Variants in SGMS1 observed in about 807,000 individuals in gnomAD.
The protein encoded by SGMS1 is sphingomyelin synthase 1.
SGMS1 carries 13 observed loss-of-function variants against 46.2 expected under a neutral mutation model. The ratio of observed to expected loss-of-function variants is 0.28; its 90% CI spans 0.18 to 0.45. SGMS1 has a LOEUF of 0.45. Ranked by LOEUF, SGMS1 falls within the 20% of genes least tolerant of loss-of-function variation. The pLI is 1.00. For synonymous variants in SGMS1, 203 were observed against 187.8 expected, an observed-to-expected ratio of 1.08 and a Z score of -0.66; for missense variants, 324 against 519.9, an observed-to-expected ratio of 0.62 and a Z score of 3.66.
chr10:50,561,406 A>C (rs1272071433), intron 2 of SGMS1, among the ~76,000 whole-genome samples: 3 of 152,192 alleles, frequency 2.0e-5, no homozygotes, highest in Middle Eastern at 6.3e-3. Context: ...TCCAGAGCTC[A>C]GTCTCTTAAT....
chr10:50,493,007 T>C (rs1475074137), intron 3 of SGMS1, among the ~76,000 whole-genome samples: 3 of 152,192 alleles, frequency 2.0e-5, no homozygotes, highest in African/African-American at 7.2e-5. Context: ...CCTTGATTTC[T>C]TTGTCATGAG....
chr10:50,407,526 C>A (rs1363668295), intron 6 of SGMS1, among the ~76,000 whole-genome samples: 1 of 152,128 alleles, frequency 6.6e-6, no homozygotes, highest in Non-Finnish European at 1.5e-5. Context: ...CCACCCTGAC[C>A]TCCAAACGGC....
intron 6 of SGMS1, among the ~76,000 whole-genome samples, chr10:50,389,109 T>C (rs1239792329): frequency 6.6e-6 from 1 of 152,108 alleles, no homozygotes. Flanking sequence ...ACCTTAAATA[T>C]ATACAATGAA....
chr10:50,514,439 A>G (rs1837784610), intron 3 of SGMS1, among the ~76,000 whole-genome samples: 1 of 152,138 alleles, frequency 6.6e-6, no homozygotes, highest in African/African-American at 2.4e-5. Context: ...CTATGCTCTA[A>G]CCCAGCAGTG....
intron 1 of SGMS1, among the ~76,000 whole-genome samples, chr10:50,601,270 T>C (rs1198111804): frequency 2.0e-5 from 3 of 152,132 alleles, no homozygotes; most frequent in Non-Finnish European, 4.4e-5. Context: ...ACTAAGAGGA[T>C]GTTGGACTTT....
At chr10:50,620,882 A>G (rs76786359) in intron 1 of SGMS1, among the ~76,000 whole-genome samples, 1,936 of 152,316 alleles carry the variant, frequency 0.013, 14 homozygotes, top group Non-Finnish European at 0.021. Context: ...CTTTTTAGTT[A>G]AAAATAATAA....
At chr10:50,482,739 C>T (rs369268881) in intron 3 of SGMS1, among the ~76,000 whole-genome samples, 7 of 152,088 alleles carry the variant, frequency 4.6e-5, no homozygotes, top group African/African-American at 1.5e-4. Context: ...GGACTAAATG[C>T]CCCAATTAAA....
intron 4 of SGMS1, among the ~76,000 whole-genome samples, chr10:50,462,691 T>A (rs910207187): frequency 1.3e-5 from 2 of 152,214 alleles, no homozygotes; most frequent in African/African-American, 2.4e-5. Context: ...GGCCTATTTA[T>A]CTCTGCTTCC....
chr10:50,535,880 G>A (rs920697698), intron 2 of SGMS1, among the ~76,000 whole-genome samples: 11 of 152,314 alleles, frequency 7.2e-5, no homozygotes, highest in African/African-American at 2.4e-4. Flanking sequence ...TTACGTCTCA[G>A]TGGGAATTTC....
At chr10:50,378,986 AG>A (rs778383924) in intron 6 of SGMS1, among the ~76,000 whole-genome samples, 3 of 152,176 alleles carry the variant, frequency 2.0e-5, no homozygotes, top group Non-Finnish European at 4.4e-5. Flanking sequence ...AAAGGAGCAC[AG>A]GCTAAGGCAG....
At chr10:50,621,501 T>C (rs1056307150) in intron 1 of SGMS1, among the ~76,000 whole-genome samples, 1 of 152,170 alleles carries the variant, frequency 6.6e-6, no homozygotes, top group Non-Finnish European at 1.5e-5. Flanking sequence ...ACATGGTAAA[T>C]ACTGGTAAAC....
intron 2 of SGMS1, among the ~76,000 whole-genome samples, chr10:50,578,079 G>C (rs1838400844): frequency 1.3e-5 from 2 of 152,190 alleles, no homozygotes; most frequent in Admixed American, 1.3e-4. Flanking sequence ...ATAATCCAAG[G>C]TCAGTTAGCC....
intron 6 of SGMS1, among the ~76,000 whole-genome samples, chr10:50,355,814 G>T (rs1296969177): frequency 6.6e-6 from 1 of 151,534 alleles, no homozygotes; most frequent in Admixed American, 6.6e-5. Context: ...CCGTCATCCC[G>T]TCTAGGATGT....
Position 50,311,271 on chromosome 10 carries a change from T to C in SGMS1, c.886A>G (p.Ile296Val), listed in dbSNP as rs200487549. 2.7e-5 allele frequency: 44 copies of C among 1,613,102 alleles called. No homozygotes were observed. The highest frequency in any genetic ancestry group is 3.6e-5 in the Non-Finnish European group (43 of 1,179,526). Residue 296 changes from isoleucine to valine, a missense_variant, in exon 9 of 11, where the codon ATC becomes GTC. Physicochemically the swap from Ile to Val is conservative, Grantham distance 29. This residue lies in a region of SGMS1 where 174 missense variants were observed against 350.1 expected (regional missense o/e 0.50). Coordinates refer to ENST00000361781, the MANE Select transcript of SGMS1 (RefSeq NM_147156.4). The stretch of plus-strand genomic sequence containing the variant: ...AGTCTTTTAGACTTACACTCTTTGA[T>C]AAATAAGTAGGTAAGTGTTAGCATG... ...TVMLTLTYLF[I>V]KEYSPRRLWW...
intron 6 of SGMS1, among the ~76,000 whole-genome samples, chr10:50,374,710 T>C (rs905524345): frequency 2.6e-5 from 4 of 152,058 alleles, no homozygotes; most frequent in Non-Finnish European, 4.4e-5. Flanking sequence ...TCCTCACTCA[T>C]CCAGCCTCTC....
intron 3 of SGMS1, among the ~76,000 whole-genome samples, chr10:50,502,007 G>A (rs1437947940): frequency 6.6e-6 from 1 of 152,022 alleles, no homozygotes; most frequent in Non-Finnish European, 1.5e-5. Context: ...TTGAGCAGAG[G>A]GCCTCCCTTG....
chr10:50,574,800 C>G (rs894378774), intron 2 of SGMS1, among the ~76,000 whole-genome samples: 2 of 151,910 alleles, frequency 1.3e-5, no homozygotes, highest in South Asian at 4.2e-4. Flanking sequence ...TTGAATGTTT[C>G]CAACACAAAG....
intron 2 of SGMS1, among the ~76,000 whole-genome samples, chr10:50,538,407 A>C (rs1477598152): frequency 1.3e-5 from 2 of 149,798 alleles, no homozygotes; most frequent in Non-Finnish European, 3.0e-5. Context: ...GCAGTGAGCC[A>C]AGATCATGCC....
At chr10:50,404,431 AC>A (rs1848984999) in intron 6 of SGMS1, among the ~76,000 whole-genome samples, 1 of 151,222 alleles carries the variant, frequency 6.6e-6, no homozygotes, top group South Asian at 2.1e-4. Context: ...ACACAGTGAG[AC>A]CCCCATCTCT....
Sources: gnomAD v4.1 joint callset for allele counts (sites outside exome capture counted in the v4.1 genomes callset) on GRCh38, gnomAD v4.1.1 for gene constraint, gnomAD v4.1.1 regional missense constraint, MANE v1.5 for transcripts, NCBI Gene and HGNC (gene_info 2026-07-23, HGNC 2026-07-21) for gene names.